ROBO1: variants seen among roughly 807,000 people sequenced by gnomAD.
ROBO1 encodes roundabout homolog 1.
A neutral mutation model predicts 195.9 loss-of-function variants in ROBO1; 149 were observed. The observed-to-expected ratio is 0.76, with a 90% confidence interval of 0.67 to 0.87. The LOEUF (loss-of-function observed/expected upper bound fraction) is 0.87, where lower values mean the gene tolerates loss of function less well. Among genes scored for constraint, ROBO1 ranks in the 40% least tolerant of loss-of-function variants. ROBO1 has a pLI of 0.00. For synonymous variants in ROBO1, 816 were observed against 733.2 expected (o/e 1.11, Z -1.82); for missense variants, 1,933 against 2,068.3 (o/e 0.93, Z 1.27).
At position 78,860,324 on chromosome 3, in the gene ROBO1, A is replaced by ATT. The variant is rs1452163134; in HGVS notation, c.499+78276_499+78277insAA. ...ATACTATATATATATATATATATAT[A>ATT]TATTTTTTTTTTTTTACTCATAAGG... On this transcript the variant is annotated intron_variant, in intron 4 of 30. Transcript: ENST00000464233. Among the ~76,000 whole-genome samples the ATT allele has an allele frequency of 5.1e-3, 305 of 59,852 alleles. 1 individual carries two copies. Among genetic ancestry groups the ATT allele is most frequent in the African/African-American group, 0.017 (248 of 14,480 alleles). The allele number at this position is 59,852 out of a possible 152,430, so 39.3% of individuals were successfully genotyped here. A position where few individuals can be genotyped will look rare whatever the true frequency, so the allele number is the denominator to read the frequency against.
intron 1 of ROBO1, among the ~76,000 whole-genome samples, chr3:79,638,143 A>T (rs1945550974): frequency 6.6e-6 from 1 of 152,208 alleles, no homozygotes; most frequent in Admixed American, 6.5e-5. Flanking sequence ...GGCAGCCACT[A>T]AAGTTGGCAT....
chr3:79,270,225 TAC>T (rs2030416866), intron 2 of ROBO1, among the ~76,000 whole-genome samples: 1 of 133,984 alleles, frequency 7.5e-6, no homozygotes, highest in East Asian at 2.2e-4. Flanking sequence ...CTCTCTCACA[TAC>T]ACACACATAC....
At chr3:79,398,959 C>G (rs2037257070) in intron 2 of ROBO1, among the ~76,000 whole-genome samples, 1 of 151,664 alleles carries the variant, frequency 6.6e-6, no homozygotes, top group Admixed American at 6.6e-5. Context: ...AATTTTCTTC[C>G]TTTTGAGGGC....
intron 3 of ROBO1, among the ~76,000 whole-genome samples, chr3:78,949,634 T>G (rs1197113293): frequency 1.3e-5 from 2 of 151,858 alleles, no homozygotes; most frequent in Non-Finnish European, 2.9e-5. Context: ...CCAAAAGCAA[T>G]GGCAACAAAA....
intron 21 of ROBO1, among the ~76,000 whole-genome samples, 170 bp downstream of exon 21, chr3:78,645,978 T>C (rs185896187): frequency 2.6e-5 from 4 of 152,214 alleles, no homozygotes; most frequent in Non-Finnish European, 5.9e-5. Flanking sequence ...ACTACATTTG[T>C]GTGTAAACAG....
At chr3:79,744,288 T>C (rs1703776575) in intron 1 of ROBO1, among the ~76,000 whole-genome samples, 3 of 152,182 alleles carry the variant, frequency 2.0e-5, no homozygotes, top group Admixed American at 1.3e-4. Flanking sequence ...GGTTAGGGTG[T>C]GCATGACTGT....
At chr3:79,683,426 G>A (rs976930644) in intron 1 of ROBO1, among the ~76,000 whole-genome samples, 1 of 152,022 alleles carries the variant, frequency 6.6e-6, no homozygotes, top group African/African-American at 2.4e-5. Flanking sequence ...AACTACATGT[G>A]AATCAGAAGA....
chr3:79,252,553 G>A (rs1370307949), intron 2 of ROBO1, among the ~76,000 whole-genome samples: 1 of 152,132 alleles, frequency 6.6e-6, no homozygotes, highest in Non-Finnish European at 1.5e-5. Context: ...AGAATTATGA[G>A]AAAATAAATT....
intron 27 of ROBO1, among the ~76,000 whole-genome samples, chr3:78,616,801 A>C (rs1704139446): frequency 6.6e-6 from 1 of 152,196 alleles, no homozygotes; most frequent in Admixed American, 6.5e-5. Context: ...TACAGAAATG[A>C]AAATCATGTG....
At chr3:78,656,573 G>A (rs551930262) in intron 18 of ROBO1, among the ~76,000 whole-genome samples, 73 of 151,970 alleles carry the variant, frequency 4.8e-4, no homozygotes, top group African/African-American at 1.6e-3. Context: ...GGATGGTCTC[G>A]ATCTCCTGAC....
chr3:78,935,020 T>C (rs181734021), intron 4 of ROBO1, among the ~76,000 whole-genome samples: 1 of 152,020 alleles, frequency 6.6e-6, no homozygotes, highest in East Asian at 1.9e-4. Flanking sequence ...ACTGTATAAT[T>C]TGAATTCTAA....
chr3:79,294,889 C>A (rs1375536600), intron 2 of ROBO1, among the ~76,000 whole-genome samples: 2 of 152,088 alleles, frequency 1.3e-5, no homozygotes, highest in African/African-American at 4.8e-5. Flanking sequence ...AAATCAAAAC[C>A]ACAGTGAGAT....
At chr3:79,322,450 T>C (rs1457050595) in intron 2 of ROBO1, among the ~76,000 whole-genome samples, 1 of 152,072 alleles carries the variant, frequency 6.6e-6, no homozygotes, top group Non-Finnish European at 1.5e-5. Flanking sequence ...GAAAAGATCT[T>C]GAAAAGAGTC....
chr3:79,529,511 C>T (rs992872434), intron 2 of ROBO1, among the ~76,000 whole-genome samples: 1 of 152,030 alleles, frequency 6.6e-6, no homozygotes. Context: ...AAAAAGAATT[C>T]AAGAATTCAA....
chr3:79,721,131 G>A (rs1420608322), intron 1 of ROBO1, among the ~76,000 whole-genome samples: 1 of 152,144 alleles, frequency 6.6e-6, no homozygotes, highest in Non-Finnish European at 1.5e-5. Flanking sequence ...TGAAAATAAA[G>A]TGCACCTTCT....
chr3:78,684,396 G>C (rs966280465), intron 10 of ROBO1, among the ~76,000 whole-genome samples: 11 of 152,260 alleles, frequency 7.2e-5, no homozygotes, highest in African/African-American at 2.4e-4. Flanking sequence ...TTGTTGACTA[G>C]AAGAGAGTCA....
chr3:78,730,491 T>A (rs2082262416), intron 5 of ROBO1, among the ~76,000 whole-genome samples: 1 of 67,076 alleles, frequency 1.5e-5, no homozygotes, highest in African/African-American at 3.0e-5. Context: ...CTAATTAAGA[T>A]TCTACAGAAG....
At chr3:78,964,932 T>G (rs1488514394) in intron 3 of ROBO1, among the ~76,000 whole-genome samples, 4 of 151,740 alleles carry the variant, frequency 2.6e-5, no homozygotes, top group Non-Finnish European at 4.4e-5. Flanking sequence ...GATCCCCCCG[T>G]GCTGGGATTA....
Position 79,018,346 on chromosome 3 carries a change from G to T in ROBO1, c.173-79419C>A. 2.5e-6 allele frequency: 4 copies of T among 1,597,950 alleles called. No individual in the cohort carries two copies. In the South Asian group the frequency reaches 4.4e-5, roughly 18 times the overall value. ...AAAATACACTTCTGGGTTTGATCGT[G>T]CAAAGTGGAGAGGGGGCGAACAGGG... is the stretch of plus-strand genomic sequence containing the variant. On this transcript the variant is annotated intron_variant, in intron 3 of 30. Transcript: ENST00000464233.
Sources: gnomAD v4.1 joint callset for allele counts (sites outside exome capture counted in the v4.1 genomes callset) on GRCh38, gnomAD v4.1.1 for gene constraint, MANE v1.5 for transcripts, NCBI Gene and HGNC (gene_info 2026-07-23, HGNC 2026-07-21) for gene names.